The following ERMP1 variants were observed in gnomAD, a reference collection of about 807,000 sequenced individuals.
The protein encoded by ERMP1 is endoplasmic reticulum metallopeptidase 1.
A neutral mutation model predicts 92.0 loss-of-function variants in ERMP1; 86 were observed. The observed-to-expected ratio is 0.93, with a 90% CI of 0.79 to 1.12. The LOEUF (loss-of-function observed/expected upper bound fraction) is 1.12, where lower values mean the gene tolerates loss of function less well. ERMP1 is among the 50% of genes most tolerant of loss of function. The pLI is 0.00. For missense variants in ERMP1, 1,342 were observed against 1,116.3 expected (o/e 1.20, Z -2.88); for synonymous variants, 530 against 412.8 (o/e 1.28, Z -3.44).
At chr9:5,809,598 C>G (rs1829011544) in intron 8 of ERMP1, among the ~76,000 whole-genome samples, 2 of 152,198 alleles carry the variant, frequency 1.3e-5, no homozygotes, top group African/African-American at 2.4e-5. Flanking sequence ...TGCTGTGTGT[C>G]AGACACTACC....
chr9:5,842,352 G>C (rs1032236387), intron 6 of ERMP1, among the ~76,000 whole-genome samples: 10 of 147,114 alleles, frequency 6.8e-5, no homozygotes, highest in Non-Finnish European at 1.5e-4. Context: ...AGTTCTCCAA[G>C]TCCCCACCAG....
At chr9:5,796,389 C>T (rs1425453801) in intron 13 of ERMP1, among the ~76,000 whole-genome samples, 1 of 152,186 alleles carries the variant, frequency 6.6e-6, no homozygotes, top group South Asian at 2.1e-4. Context: ...CAGTTTCTTA[C>T]AAAGCTAAAC....
At chr9:5,798,417 G>C (rs1828535079) in intron 12 of ERMP1, among the ~76,000 whole-genome samples, 2 of 151,740 alleles carry the variant, frequency 1.3e-5, no homozygotes, top group Non-Finnish European at 1.5e-5. Context: ...GGTTTCTCCA[G>C]GTTTGTCAGG....
Position 5,787,053 on chromosome 9 carries a change from T to G in ERMP1, c.*91A>C. ...TGAACATATGATCATTAAAATTCAT[T>G]GACTTACGTTACAAACATCCACGTA... On this transcript the variant is annotated 3_prime_UTR_variant, in exon 15 of 15. Coordinates refer to ENST00000339450, the MANE Select transcript of ERMP1 (RefSeq NM_024896.3). The G allele has an allele frequency of 4.7e-6, 6 of 1,271,904 alleles. No individual in the cohort carries two copies. Among genetic ancestry groups the G allele is most frequent in the Non-Finnish European group, 6.5e-6 (6 of 918,356 alleles). 78.8% of individuals were successfully genotyped at this position (1,271,904 alleles called of 1,614,324 possible).
At chr9:5,811,431 A>G (rs1031790515) in intron 6 of ERMP1, 108 bp from the exon 7 acceptor site, 2 of 783,216 alleles carry the variant, frequency 2.6e-6, no homozygotes, top group Admixed American at 2.9e-5. Context: ...AATAAACCAT[A>G]TACTGTTTGA....
chr9:5,814,906 TAA>T (rs570048208), intron 4 of ERMP1, among the ~76,000 whole-genome samples: 299 of 152,304 alleles, frequency 2.0e-3, no homozygotes, highest in African/African-American at 7.0e-3. Context: ...ATAATCTATT[TAA>T]AAGAGTCCTA....
intron 6 of ERMP1, among the ~76,000 whole-genome samples, chr9:5,847,990 T>C (rs1830260422): frequency 6.6e-6 from 1 of 151,718 alleles, no homozygotes; most frequent in East Asian, 1.9e-4. Flanking sequence ...ATCCTGGTTT[T>C]ATCAATGGAA....
At chr9:5,808,225 A>G (rs545268275) in intron 8 of ERMP1, among the ~76,000 whole-genome samples, 1 of 152,234 alleles carries the variant, frequency 6.6e-6, no homozygotes. Context: ...CTTTTACCCT[A>G]AAGTGTTACG....
At chr9:5,829,679 A>T (rs1020688826) in intron 2 of ERMP1, among the ~76,000 whole-genome samples, 2 of 152,198 alleles carry the variant, frequency 1.3e-5, no homozygotes, top group Non-Finnish European at 2.9e-5. Flanking sequence ...TTTCCTTTCA[A>T]ATGTAGCTGA....
chr9:5,830,590 T>A, intron 2 of ERMP1, 137 bp downstream of exon 2: 1 of 628,052 alleles, frequency 1.6e-6, no homozygotes, highest in Non-Finnish European at 2.8e-6. Flanking sequence ...ACTATCCTAA[T>A]TATCCTGCTT....
intron 1 of ERMP1, among the ~76,000 whole-genome samples, chr9:5,831,983 G>A (rs1238119910): frequency 2.0e-5 from 3 of 151,968 alleles, no homozygotes; most frequent in Non-Finnish European, 4.4e-5. Context: ...GAACACAGTA[G>A]CTGTTGAAAA....
At chr9:5,813,843 A>G (rs1025948652) in intron 4 of ERMP1, among the ~76,000 whole-genome samples, 1 of 149,014 alleles carries the variant, frequency 6.7e-6, no homozygotes, top group African/African-American at 2.4e-5. Flanking sequence ...AGTGGGATAC[A>G]TTGTTTTATA....
At chr9:5,841,437 C>T (rs1282438006) in intron 6 of ERMP1, among the ~76,000 whole-genome samples, 1 of 152,142 alleles carries the variant, frequency 6.6e-6, no homozygotes, top group Non-Finnish European at 1.5e-5. Context: ...GTGGTTAGAA[C>T]GGACAGGGCA....
At chr9:5,866,194 C>G (rs1830654456) in intron 5 of ERMP1, among the ~76,000 whole-genome samples, 1 of 152,194 alleles carries the variant, frequency 6.6e-6, no homozygotes, top group African/African-American at 2.4e-5. Flanking sequence ...CTCTCTTACA[C>G]CAGTTTCCAT....
At chr9:5,858,755 G>A (rs1484597854) in intron 6 of ERMP1, among the ~76,000 whole-genome samples, 1 of 152,190 alleles carries the variant, frequency 6.6e-6, no homozygotes, top group Non-Finnish European at 1.5e-5. Context: ...TCAGAGAAAT[G>A]TTCAACAACA....
chr9:5,834,649 T>G (rs541801746), upstream of ERMP1, among the ~76,000 whole-genome samples: 11 of 152,218 alleles, frequency 7.2e-5, no homozygotes, highest in South Asian at 2.3e-3. Context: ...GTATCCATAG[T>G]GCTTAGCTCT....
At chr9:5,857,725 A>T (rs1015632338) in intron 6 of ERMP1, among the ~76,000 whole-genome samples, 8 of 152,178 alleles carry the variant, frequency 5.3e-5, no homozygotes, top group Non-Finnish European at 7.3e-5. Context: ...TATTCAGCAT[A>T]TCATCCCACG....
chr9:5,832,607 G>T, intron 1 of ERMP1, 83 bp downstream of exon 1: 1 of 1,124,258 alleles, frequency 8.9e-7, no homozygotes, highest in Non-Finnish European at 1.2e-6. Context: ...GCAGGGGCGG[G>T]TGCACACAGG....
At chr9:5,796,438 T>C (rs185851090) in intron 13 of ERMP1, among the ~76,000 whole-genome samples, 3 of 152,224 alleles carry the variant, frequency 2.0e-5, no homozygotes, top group East Asian at 3.8e-4. Context: ...ATCACACTCC[T>C]AAGCATTTAC....
Sources: gnomAD v4.1 joint callset for allele counts (sites outside exome capture counted in the v4.1 genomes callset) on GRCh38, gnomAD v4.1.1 for gene constraint, MANE v1.5 for transcripts, NCBI Gene and HGNC (gene_info 2026-07-23, HGNC 2026-07-21) for gene names.